Variants in STAU2 observed in about 807,000 individuals in gnomAD.
STAU2 encodes the protein double-stranded RNA-binding protein Staufen homolog 2.
STAU2 carries 20 observed loss-of-function variants against 65.9 expected under a neutral mutation model. The observed-to-expected ratio is 0.30, with a 90% confidence interval of 0.21 to 0.44. STAU2 has a LOEUF of 0.44. STAU2 is among the 20% of genes least tolerant of loss of function. STAU2 has a pLI of 1.00. For synonymous variants in STAU2, 232 were observed against 233.9 expected, an observed-to-expected ratio of 0.99 and a Z score of 0.07; for missense variants, 558 against 683.9, an observed-to-expected ratio of 0.82 and a Z score of 2.05.
chr8:73,688,523 T>G, intron 5 of STAU2, 131 bp downstream of exon 5: 1 of 760,870 alleles, frequency 1.3e-6, no homozygotes, highest in Non-Finnish European at 2.2e-6. Context: ...TGTGTGTGTG[T>G]GTGTGTGTAG....
intron 13 of STAU2, among the ~76,000 whole-genome samples, chr8:73,531,640 TA>T (rs961637448): frequency 2.0e-5 from 3 of 152,016 alleles, no homozygotes; most frequent in Non-Finnish European, 2.9e-5. Context: ...AACTGTGAAT[TA>T]AAAAAAATAT....
intron 6 of STAU2, chr8:73,651,412 G>GATAAAAACCTGGTTTCAAAATCGCCGC: frequency 1.5e-6 from 1 of 666,876 alleles, no homozygotes; most frequent in Non-Finnish European, 2.8e-6. Flanking sequence ...CGGAGGTCCA[G>GATAAAAACCTGGTTTCAAAATCGCCGC]ATAAAAACCT....
At position 73,420,385 on chromosome 8, in the gene STAU2, C is replaced by T. The variant is rs964435806; in HGVS notation, c.*987G>A. ...CAACAGCGCTTCACACAGAAACCAA[C>T]CACATTTTTACTGCATCTGCTCCAC... is the stretch of plus-strand genomic sequence containing the variant. On this transcript the variant is annotated 3_prime_UTR_variant, in exon 15 of 15. Coordinates refer to ENST00000524300, the MANE Select transcript of STAU2 (RefSeq NM_001164380.2). The T allele has an allele frequency of 5.6e-5, 19 of 340,998 alleles. No homozygotes were observed. The highest frequency in any genetic ancestry group is 4.1e-4 in the African/African-American group (19 of 46,656). 21.1% of individuals were successfully genotyped at this position (340,998 alleles called of 1,614,324 possible).
chr8:73,685,505 T>C (rs1586267262), intron 5 of STAU2, among the ~76,000 whole-genome samples: 1 of 151,742 alleles, frequency 6.6e-6, no homozygotes, highest in East Asian at 1.9e-4. Flanking sequence ...GCCTCCCAAG[T>C]AGCTGGGACT....
intron 3 of STAU2, among the ~76,000 whole-genome samples, chr8:73,713,811 G>A (rs2130667710): frequency 6.6e-6 from 1 of 152,254 alleles, no homozygotes; most frequent in South Asian, 2.1e-4. Flanking sequence ...CAGAACTGTT[G>A]CTACTAAGGT....
intron 13 of STAU2, among the ~76,000 whole-genome samples, chr8:73,463,421 T>C (rs1275833869): frequency 6.6e-6 from 1 of 152,266 alleles, no homozygotes; most frequent in Admixed American, 6.5e-5. Context: ...ATATGGTTTC[T>C]GTATGAATTT....
intron 13 of STAU2, among the ~76,000 whole-genome samples, chr8:73,461,257 T>C (rs1819334777): frequency 6.6e-6 from 1 of 152,156 alleles, no homozygotes; most frequent in African/African-American, 2.4e-5. Flanking sequence ...TATCTCTCAC[T>C]ATTACACAGA....
chr8:73,523,227 C>T (rs1194843209), intron 13 of STAU2, among the ~76,000 whole-genome samples: 2 of 138,078 alleles, frequency 1.4e-5, no homozygotes, highest in African/African-American at 5.1e-5. Context: ...AAAGAAAAGT[C>T]TGAAGCAGGC....
intron 13 of STAU2, among the ~76,000 whole-genome samples, chr8:73,537,065 A>T (rs1806228571): frequency 6.6e-6 from 1 of 152,220 alleles, no homozygotes. Flanking sequence ...AACAGATTTT[A>T]AAAAATAGTC....
intron 5 of STAU2, among the ~76,000 whole-genome samples, chr8:73,682,075 C>G (rs928333650): frequency 6.6e-6 from 1 of 152,046 alleles, no homozygotes; most frequent in Non-Finnish European, 1.5e-5. Flanking sequence ...GTCGTTAAGA[C>G]AGAAAGTCAA....
chr8:73,625,846 T>A (rs1038790542), intron 6 of STAU2, among the ~76,000 whole-genome samples: 1 of 151,360 alleles, frequency 6.6e-6, no homozygotes, highest in Admixed American at 6.6e-5. Context: ...TCCCACAAAC[T>A]AGCCTACCAA....
intron 13 of STAU2, among the ~76,000 whole-genome samples, chr8:73,468,761 C>T (rs1362859817): frequency 2.0e-5 from 3 of 152,152 alleles, no homozygotes; most frequent in East Asian, 3.9e-4. Context: ...TGAGATACCA[C>T]CACACACCAG....
chr8:73,515,874 C>CAGCA (rs1264778421), intron 13 of STAU2, among the ~76,000 whole-genome samples: 1 of 137,820 alleles, frequency 7.3e-6, no homozygotes, highest in Non-Finnish European at 1.5e-5. Context: ...TCCAGGTCTT[C>CAGCA]AGCATATCAG....
rs1337812746 is a variant in STAU2, at chr8:73,470,503, T to C, written c.1531-47801A>G. Among the ~76,000 whole-genome samples the C allele has an allele frequency of 3.3e-5, 5 of 151,980 alleles. 1 individual carries two copies. The highest frequency in any genetic ancestry group is 1.2e-4 in the African/African-American group (5 of 41,358). Reference sequence around the variant, plus strand: ...AGGTGAATCTAATTAAATAGTAAATTAAAAGTAGTAGAGGCCAGGCGCAGC... The same window carrying C: ...AGGTGAATCTAATTAAATAGTAAATCAAAAGTAGTAGAGGCCAGGCGCAGC... On this transcript the variant is annotated intron_variant, in intron 13 of 14. Coordinates refer to ENST00000524300, the MANE Select transcript of STAU2 (RefSeq NM_001164380.2).
chr8:73,469,320 G>A (rs1403327454), intron 13 of STAU2, among the ~76,000 whole-genome samples: 5 of 152,030 alleles, frequency 3.3e-5, no homozygotes, highest in Non-Finnish European at 2.9e-5. Context: ...TTGGGGGAGT[G>A]GGGAGGGATA....
chr8:73,428,345 C>T (rs1001990417), intron 13 of STAU2, among the ~76,000 whole-genome samples: 4 of 151,954 alleles, frequency 2.6e-5, no homozygotes, highest in Admixed American at 1.3e-4. Context: ...CTATATACCA[C>T]ATTTTCTTTT....
intron 3 of STAU2, among the ~76,000 whole-genome samples, chr8:73,730,058 C>A (rs1805935541): frequency 6.6e-6 from 1 of 152,074 alleles, no homozygotes; most frequent in African/African-American, 2.4e-5. Context: ...TTATTTACTT[C>A]CTTTTTTCTG....
chr8:73,559,172 A>G (rs1271980818), intron 12 of STAU2, among the ~76,000 whole-genome samples: 1 of 152,196 alleles, frequency 6.6e-6, no homozygotes, highest in Non-Finnish European at 1.5e-5. Context: ...AGACATCACC[A>G]CTGGAAGAAG....
intron 6 of STAU2, among the ~76,000 whole-genome samples, chr8:73,638,449 G>C (rs887332029): frequency 6.8e-6 from 1 of 147,764 alleles, no homozygotes; most frequent in Non-Finnish European, 1.5e-5. Context: ...TTTTTTACTA[G>C]TTGTACCAAC....
Sources: gnomAD v4.1 joint callset for allele counts (sites outside exome capture counted in the v4.1 genomes callset) on GRCh38, gnomAD v4.1.1 for gene constraint, MANE v1.5 for transcripts, NCBI Gene and HGNC (gene_info 2026-07-23, HGNC 2026-07-21) for gene names.